Variants in STOX2 observed in about 807,000 individuals in gnomAD.
STOX2 encodes storkhead-box protein 2.
Under a neutral mutation model 60.9 loss-of-function variants are expected in STOX2, and 28 were observed. The observed-to-expected ratio is 0.46, with a 90% CI of 0.34 to 0.63. The LOEUF (loss-of-function observed/expected upper bound fraction) is 0.63, where lower values mean the gene tolerates loss of function less well. STOX2 is among the 30% of genes least tolerant of loss of function. The probability of loss-of-function intolerance (pLI) is 0.01; values close to 1 mark genes in which losing one functional copy is unlikely to be tolerated. For missense variants in STOX2, 1,024 were observed against 1,187.7 expected (o/e 0.86, Z 2.03); for synonymous variants, 472 against 463.9 (o/e 1.02, Z -0.22).
In STOX2 at chr4:184,009,506, A is replaced by G; in HGVS notation, c.668A>G (p.Lys223Arg). The G allele has an allele frequency of 1.2e-6, 2 of 1,614,062 alleles. No individual in the cohort carries two copies. The highest frequency in any genetic ancestry group is 1.7e-6 in the Non-Finnish European group (2 of 1,179,894). The change falls in exon 3 of 4, where the codon AAA becomes AGA. Residue 223 changes from lysine (K) to arginine (R), a missense_variant. By Grantham distance (26) the Lys-to-Arg change is conservative. Coordinates refer to ENST00000308497, the MANE Select transcript of STOX2 (RefSeq NM_020225.3). This position sits in a 1 kb window ranked among gnomAD's most constrained non-coding sequence, Gnocchi z 4.0. ...CAAAGGAAGTCTGCCAAGGACTGCA[A>G]AGACCCTTACTGTCCCCCTTCTCTG... ...TLQRKSAKDC[K>R]DPYCPPSLCQ...
At chr4:183,981,820 C>T (rs750280070) in intron 1 of STOX2, among the ~76,000 whole-genome samples, 2 of 152,202 alleles carry the variant, frequency 1.3e-5, no homozygotes, top group Non-Finnish European at 2.9e-5. Flanking sequence ...TCTGTAATCG[C>T]AGCACTTTGG....
intron 1 of STOX2, among the ~76,000 whole-genome samples, chr4:183,976,475 A>C (rs1017005822): frequency 1.3e-5 from 2 of 152,174 alleles, no homozygotes; most frequent in African/African-American, 4.8e-5. Flanking sequence ...GTAGGATTAA[A>C]AGGAAACTTC....
intron 1 of STOX2, among the ~76,000 whole-genome samples, chr4:183,895,711 A>C (rs1741324987): frequency 6.6e-6 from 1 of 152,224 alleles, no homozygotes; most frequent in African/African-American, 2.4e-5. Flanking sequence ...AGTACCTAGA[A>C]CCATTATTAG....
intron 1 of STOX2, among the ~76,000 whole-genome samples, chr4:183,926,623 G>GTT (rs71591608): frequency 1.4e-5 from 2 of 146,392 alleles, no homozygotes. Context: ...GCAAAAGTGG[G>GTT]TTTTTTTTTT....
Position 184,009,530 on chromosome 4 carries a change from T to A in STOX2, c.692T>A (p.Leu231Gln). 6.2e-7 allele frequency: 1 copy of A among 1,614,064 alleles called. No individual in the cohort carries two copies. Among genetic ancestry groups the A allele is most frequent in the Non-Finnish European group, 8.5e-7 (1 of 1,179,894 alleles). ...DCKDPYCPPS[L>Q]CQVPPTEKSK... The stretch of plus-strand genomic sequence containing the variant: ...AAAGACCCTTACTGTCCCCCTTCTC[T>A]GTGCCAGGTGCCACCCACTGAAAAG... Residue 231 changes from leucine to glutamine, a missense_variant, in exon 3 of 4, where the codon CTG (leucine) becomes CAG (glutamine). Physicochemically the swap from Leu to Gln is moderately radical, Grantham distance 113 (BLOSUM62 -2). Around this residue, in one of 3 missense-constraint regions of STOX2, gnomAD observed 922 missense variants for 1,058.3 expected, o/e 0.87. Transcript: ENST00000308497. This position sits in a 1 kb window ranked among gnomAD's most constrained non-coding sequence, Gnocchi z 4.0.
In STOX2 at chr4:183,983,579, G is replaced by C. The variant is rs567877108; in HGVS notation, c.167-17746G>C. On this transcript the variant is annotated intron_variant, in intron 1 of 3. Transcript: ENST00000308497. ...TGTGATAGGAGTCCAAGAAGTCCCT[G>C]GGGGAAGCCGCGTCTGACCATATTG... is the stretch of plus-strand genomic sequence containing the variant. Among the ~76,000 whole-genome samples the C allele has an allele frequency of 3.9e-5, 6 of 152,278 alleles. No individual in the cohort carries two copies. The East Asian group carries it at 1.2e-3, about 29-fold the overall frequency.
chr4:183,968,056 C>G (rs573474757), intron 1 of STOX2, among the ~76,000 whole-genome samples: 1 of 152,216 alleles, frequency 6.6e-6, no homozygotes, highest in South Asian at 2.1e-4. Flanking sequence ...ACTTTGCTTC[C>G]CAAACTCTGA....
At chr4:183,891,374 A>G (rs1300208725) in intron 1 of STOX2, among the ~76,000 whole-genome samples, 1 of 30,532 alleles carries the variant, frequency 3.3e-5, no homozygotes, top group Non-Finnish European at 6.5e-5. Flanking sequence ...ATATATATAT[A>G]TATATATATA....
intron 1 of STOX2, among the ~76,000 whole-genome samples, chr4:183,931,437 A>G (rs1742419933): frequency 6.6e-6 from 1 of 151,692 alleles, no homozygotes; most frequent in Non-Finnish European, 1.5e-5. Context: ...GCCTCCCCCC[A>G]CCAAAAAAAC....
chr4:183,977,332 A>G (rs1470988060), intron 1 of STOX2, among the ~76,000 whole-genome samples: 2 of 152,162 alleles, frequency 1.3e-5, no homozygotes, highest in African/African-American at 4.8e-5. Flanking sequence ...CCACGGGATT[A>G]GAAGTGTGTA....
intron 1 of STOX2, among the ~76,000 whole-genome samples, chr4:183,931,513 T>C (rs1194137138): frequency 1.3e-5 from 2 of 152,226 alleles, no homozygotes; most frequent in African/African-American, 2.4e-5. Flanking sequence ...AGTGTCTATA[T>C]GCAAGCAATA....
At chr4:183,849,286 T>G (rs1740054108) in intron 1 of STOX2, among the ~76,000 whole-genome samples, 1 of 152,118 alleles carries the variant, frequency 6.6e-6, no homozygotes, top group Admixed American at 6.5e-5. Flanking sequence ...GACTTTAGGG[T>G]GGAACTAGCA....
At chr4:183,852,476 A>G (rs71638107) in intron 1 of STOX2, among the ~76,000 whole-genome samples, 236 of 1,490 alleles carry the variant, frequency 0.16, 17 homozygotes, top group East Asian at 0.32. Flanking sequence ...AAAGGATGAG[A>G]GAAAGGATGA....
chr4:183,890,977 G>A (rs1741195238), intron 1 of STOX2, among the ~76,000 whole-genome samples: 1 of 152,046 alleles, frequency 6.6e-6, no homozygotes, highest in Non-Finnish European at 1.5e-5. Context: ...GGGCATGGTG[G>A]TGCACACCTG....
At chr4:183,898,097 T>G (rs951016899) in intron 1 of STOX2, among the ~76,000 whole-genome samples, 5 of 152,186 alleles carry the variant, frequency 3.3e-5, no homozygotes, top group Non-Finnish European at 7.3e-5. Flanking sequence ...ATAGTCTTAT[T>G]TCATTGGATT....
intron 1 of STOX2, among the ~76,000 whole-genome samples, chr4:183,936,057 TTTCCTGTAGGAAC>T (rs1377992482): frequency 2.6e-5 from 4 of 152,252 alleles, no homozygotes; most frequent in Non-Finnish European, 5.9e-5. Context: ...AAAGAAATGC[TTTCCTGTAGGAAC>T]TTCAAACAAG....
At chr4:183,933,420 C>G (rs1458123938) in intron 1 of STOX2, among the ~76,000 whole-genome samples, 1 of 151,958 alleles carries the variant, frequency 6.6e-6, no homozygotes, top group African/African-American at 2.4e-5. Context: ...GACAGTTTCA[C>G]TCTTGTCGCC....
In STOX2 at chr4:183,954,864, A is replaced by G. The variant is rs538813288; in HGVS notation, c.167-46461A>G. Among the ~76,000 whole-genome samples, 1,459 of 151,814 alleles carry G rather than the reference A, an allele frequency of 9.6e-3. 13 individuals carry two copies. Among genetic ancestry groups the G allele is most frequent in the Non-Finnish European group, 0.015 (1,014 of 67,906 alleles). ...AGTGATTCTCCTGCCTCAGCCTCCC[A>G]AGTAGCTGGGATTACAGGCGTGCAC... On this transcript the variant is annotated intron_variant, in intron 1 of 3. Coordinates refer to ENST00000308497, the MANE Select transcript of STOX2 (RefSeq NM_020225.3).
intron 2 of STOX2, among the ~76,000 whole-genome samples, chr4:184,006,878 T>A (rs931861692): frequency 6.7e-6 from 1 of 148,662 alleles, no homozygotes; most frequent in Non-Finnish European, 1.5e-5. Flanking sequence ...TAGCTGGGCG[T>A]AGTGGCGGGC....
Sources: gnomAD v4.1 joint callset for allele counts (sites outside exome capture counted in the v4.1 genomes callset) on GRCh38, gnomAD v4.1.1 for gene constraint, gnomAD v4.1.1 regional missense constraint, Gnocchi (gnomAD v3.1) non-coding constraint, MANE v1.5 for transcripts, NCBI Gene and HGNC (gene_info 2026-07-23, HGNC 2026-07-21) for gene names.